HTR4: variants seen among roughly 807,000 people sequenced by gnomAD.
HTR4 encodes the protein 5-hydroxytryptamine receptor 4, also known as 5-hydroxytryptamine (serotonin) receptor 4, G protein-coupled.
In HTR4, 16 loss-of-function variants were observed where a neutral mutation model predicts 36.8. The ratio of observed to expected loss-of-function variants is 0.43; its 90% CI spans 0.29 to 0.66. The LOEUF (loss-of-function observed/expected upper bound fraction) is 0.66, where lower values mean the gene tolerates loss of function less well. HTR4 is among the 30% of genes least tolerant of loss of function. HTR4 has a pLI of 0.13. For synonymous variants in HTR4, 189 were observed against 185.1 expected (o/e 1.02, Z -0.17); for missense variants, 438 against 490.9 (o/e 0.89, Z 1.02).
intron 2 of HTR4, among the ~76,000 whole-genome samples, chr5:148,582,010 T>C (rs972247971): frequency 6.6e-6 from 1 of 152,096 alleles, no homozygotes; most frequent in Non-Finnish European, 1.5e-5. Context: ...CATCAGTATT[T>C]TATAATTTTA....
chr5:148,480,503 CAAG>C (rs1270347665), downstream of HTR4, among the ~76,000 whole-genome samples: 8 of 152,176 alleles, frequency 5.3e-5, no homozygotes, highest in Non-Finnish European at 1.0e-4. Flanking sequence ...CTCAGTCTCC[CAAG>C]TAGTTGGGAC....
chr5:148,650,049 G>A (rs1437338437), intron 1 of HTR4, among the ~76,000 whole-genome samples: 1 of 151,642 alleles, frequency 6.6e-6, no homozygotes, highest in Admixed American at 6.6e-5. Context: ...GTTTTAATTT[G>A]TAATTTTTGT....
intron 2 of HTR4, among the ~76,000 whole-genome samples, chr5:148,635,368 G>T (rs762185494): frequency 3.2e-4 from 49 of 152,070 alleles, no homozygotes; most frequent in Non-Finnish European, 5.6e-4. Context: ...TGGATAGAGA[G>T]GGGGAGTGGG....
intron 2 of HTR4, among the ~76,000 whole-genome samples, chr5:148,574,898 G>A (rs1760832734): frequency 6.6e-6 from 1 of 152,072 alleles, no homozygotes; most frequent in African/African-American, 2.4e-5. Flanking sequence ...CTGCTAAAAT[G>A]TCCTTATAGT....
chr5:148,617,924 G>A (rs1041255979), intron 2 of HTR4, among the ~76,000 whole-genome samples: 20 of 152,290 alleles, frequency 1.3e-4, no homozygotes, highest in African/African-American at 4.8e-4. Context: ...TGAATGCATA[G>A]TGGAAGTCAC....
intron 4 of HTR4, among the ~76,000 whole-genome samples, chr5:148,525,366 TA>T (rs1334328194): frequency 2.0e-5 from 3 of 152,236 alleles, no homozygotes; most frequent in Admixed American, 6.5e-5. Flanking sequence ...GATTTCCTGT[TA>T]GGGGGCAAGT....
intron 2 of HTR4, among the ~76,000 whole-genome samples, chr5:148,622,450 T>C (rs1009441594): frequency 6.6e-6 from 1 of 152,220 alleles, no homozygotes; most frequent in African/African-American, 2.4e-5. Flanking sequence ...AGAAACACTG[T>C]ATAAAACCAC....
At chr5:148,550,801 T>C (rs1037013554) in intron 2 of HTR4, among the ~76,000 whole-genome samples, 2 of 152,112 alleles carry the variant, frequency 1.3e-5, no homozygotes, top group Non-Finnish European at 2.9e-5. Context: ...GGGGACCAAA[T>C]AAAGAAGTGG....
intron 2 of HTR4, among the ~76,000 whole-genome samples, chr5:148,610,341 G>T (rs963214206): frequency 6.6e-6 from 1 of 152,184 alleles, no homozygotes. Flanking sequence ...AGAACGGGCA[G>T]ACTGCCTCCT....
Position 148,650,418 on chromosome 5 carries a change from C to T in HTR4, c.-48+3644G>A, listed in dbSNP as rs144238774. Among the ~76,000 whole-genome samples, 697 of 152,276 alleles carry T rather than the reference C, an allele frequency of 4.6e-3. 3 individuals are homozygous for T. The highest frequency in any genetic ancestry group is 6.4e-3 in the Non-Finnish European group (435 of 68,016). Reference sequence around the variant, plus strand: ...TTACTCAGACTATACTTAAGGCTAGCCCTATGAATAAGTCTATTTGGTAGC... The same window carrying T: ...TTACTCAGACTATACTTAAGGCTAGTCCTATGAATAAGTCTATTTGGTAGC... On this transcript the variant is annotated intron_variant, in intron 1 of 6. Transcript: ENST00000377888.
chr5:148,504,014 A>C (rs1241818259), intron 6 of HTR4, among the ~76,000 whole-genome samples: 1 of 152,192 alleles, frequency 6.6e-6, no homozygotes, highest in East Asian at 1.9e-4. Context: ...GAGACCTACA[A>C]AGAGACTTAG....
At chr5:148,562,015 T>C (rs1203589407) in intron 2 of HTR4, among the ~76,000 whole-genome samples, 3 of 152,200 alleles carry the variant, frequency 2.0e-5, no homozygotes, top group African/African-American at 7.2e-5. Context: ...CTGCCTCTGA[T>C]AATGCAAAAA....
chr5:148,453,383 A>T (rs952128172), intron 5 of HTR4, among the ~76,000 whole-genome samples: 14 of 152,240 alleles, frequency 9.2e-5, no homozygotes, highest in Non-Finnish European at 1.8e-4. Context: ...ATAATACTGC[A>T]GAGCATTCTT....
At chr5:148,615,072 A>G (rs1310572326) in intron 2 of HTR4, among the ~76,000 whole-genome samples, 2 of 151,570 alleles carry the variant, frequency 1.3e-5, no homozygotes, top group Non-Finnish European at 2.9e-5. Context: ...ACACTTTTAC[A>G]CTGTTGGTGG....
chr5:148,517,443 C>T (rs920996919), intron 5 of HTR4, among the ~76,000 whole-genome samples: 1 of 152,022 alleles, frequency 6.6e-6, no homozygotes, highest in South Asian at 2.1e-4. Flanking sequence ...CTGGACATCT[C>T]CAATTGCATA....
intron 2 of HTR4, among the ~76,000 whole-genome samples, chr5:148,578,788 A>C (rs1761025623): frequency 6.6e-6 from 1 of 152,096 alleles, no homozygotes; most frequent in Non-Finnish European, 1.5e-5. Flanking sequence ...TAAAACACTC[A>C]GAGAAGTGGC....
At chr5:148,534,503 T>A (rs1758719050) in intron 4 of HTR4, among the ~76,000 whole-genome samples, 2 of 152,112 alleles carry the variant, frequency 1.3e-5, no homozygotes, top group Non-Finnish European at 2.9e-5. Context: ...CAGTAGCAAC[T>A]CAGGACCTCC....
At chr5:148,652,847 G>T (rs1040483495) in intron 1 of HTR4, among the ~76,000 whole-genome samples, 2 of 152,082 alleles carry the variant, frequency 1.3e-5, no homozygotes, top group Non-Finnish European at 2.9e-5. Flanking sequence ...ATTAAGAAAT[G>T]ACTTGCTAAT....
intron 4 of HTR4, among the ~76,000 whole-genome samples, chr5:148,539,608 G>A (rs1445353989): frequency 2.0e-5 from 3 of 151,994 alleles, no homozygotes; most frequent in Non-Finnish European, 4.4e-5. Context: ...CAGCCAACAA[G>A]CATATAAAAA....
Sources: allele counts gnomAD v4.1 joint callset (sites outside exome capture counted in the v4.1 genomes callset), GRCh38; gene constraint gnomAD v4.1.1; transcripts MANE v1.5; gene names NCBI Gene and HGNC (gene_info 2026-07-23, HGNC 2026-07-21).